The following PBX4 variants were observed in gnomAD, a reference collection of about 807,000 sequenced individuals.
The protein encoded by PBX4 is pre-B-cell leukemia transcription factor 4.
In PBX4, 26 loss-of-function variants were observed where a neutral mutation model predicts 35.1. That is an observed-to-expected ratio of 0.74 (90% CI 0.54 to 1.03). PBX4 has a LOEUF of 1.03. PBX4 is among the 50% of genes least tolerant of loss of function. The pLI, the probability that PBX4 is intolerant of heterozygous loss-of-function variation, is 0.00. For synonymous variants in PBX4, 199 were observed against 204.2 expected (o/e 0.97, Z 0.22); for missense variants, 448 against 504.3 (o/e 0.89, Z 1.07).
At chr19:19,612,434 G>T (rs1419544636) in intron 1 of PBX4, among the ~76,000 whole-genome samples, 1 of 152,136 alleles carries the variant, frequency 6.6e-6, no homozygotes, top group Non-Finnish European at 1.5e-5. Flanking sequence ...CTGACTGCTG[G>T]GGTGATAAAA....
In PBX4 at chr19:19,618,508, C is replaced by T; in HGVS notation, c.119+3G>A. On this transcript the variant is annotated splice_donor_region_variant and intron_variant, in intron 1 of 7. Transcript: ENST00000251203. ...TGGCCCCTGCCGAGCCCGCGGGCAG[C>T]ACCTGGCCTGTGCCTCGTCCAGGCT... 6.7e-7 allele frequency: 1 copy of T among 1,482,772 alleles called. No homozygotes were observed. Among genetic ancestry groups the T allele is most frequent in the Non-Finnish European group, 9.0e-7 (1 of 1,112,616 alleles). 91.9% of individuals were successfully genotyped at this position (1,482,772 alleles called of 1,614,324 possible). A position where few individuals can be genotyped will look rare whatever the true frequency, so the allele number is the denominator to read the frequency against.
intron 5 of PBX4, among the ~76,000 whole-genome samples, chr19:19,569,172 C>A (rs987229336): frequency 1.3e-5 from 2 of 152,206 alleles, no homozygotes; most frequent in African/African-American, 4.8e-5. Context: ...GATCCTTCCA[C>A]CTCAGCATCC....
intron 2 of PBX4, among the ~76,000 whole-genome samples, chr19:19,595,467 C>T (rs1335265101): frequency 6.6e-6 from 1 of 152,170 alleles, no homozygotes; most frequent in African/African-American, 2.4e-5. Flanking sequence ...TTGCTTAAAA[C>T]CAGTTCACCG....
intron 2 of PBX4, among the ~76,000 whole-genome samples, chr19:19,574,995 A>ATT (rs1440639457): frequency 6.6e-6 from 1 of 151,636 alleles, no homozygotes; most frequent in Non-Finnish European, 1.5e-5. Context: ...TGGAGACTCA[A>ATT]TTTTCTAACA....
chr19:19,587,643 A>G (rs1229387673), intron 2 of PBX4, among the ~76,000 whole-genome samples: 2 of 149,940 alleles, frequency 1.3e-5, no homozygotes, highest in Non-Finnish European at 3.0e-5. Context: ...TTGTTCTGAT[A>G]GCTTCCCACC....
chr19:19,578,515 C>G (rs2061434729), intron 2 of PBX4, among the ~76,000 whole-genome samples: 1 of 152,152 alleles, frequency 6.6e-6, no homozygotes. Flanking sequence ...GACTGGCAGG[C>G]AGGGAGGCTG....
intron 2 of PBX4, chr19:19,588,284 T>G (rs1032682141): frequency 6.8e-6 from 8 of 1,172,368 alleles, no homozygotes; most frequent in African/African-American, 1.5e-5. Context: ...TCATCACATA[T>G]GCACACCAGA....
rs370646681 is a variant in PBX4 at position 19,570,218 on chromosome 19, C to T, written c.523G>A (p.Glu175Lys). Residue 175 changes from glutamate to lysine, a missense_variant, in exon 4 of 8, where the codon GAG (glutamate) becomes AAG (lysine). Transcript: ENST00000251203. ...CCGTGAATGGCGCCGACCATGCGCT[C>T]AATCTCCTTAGGGGAGACAGGCCTC... ...RMRPVSPKEI[E>K]RMVGAIHGKF... 6.2e-7 allele frequency: 1 copy of T among 1,614,156 alleles called. No individual in the cohort carries two copies.
chr19:19,563,736 T>C lies in PBX4; in HGVS notation c.926-121A>G. 1.2e-6 allele frequency: 1 copy of C among 824,926 alleles called. No individual in the cohort carries two copies. The highest frequency in any genetic ancestry group is 2.0e-6 in the Non-Finnish European group (1 of 492,658). The allele number at this position is 824,926 out of a possible 1,614,324, so 51.1% of individuals were successfully genotyped here. A position where few individuals can be genotyped will look rare whatever the true frequency, so the allele number is the denominator to read the frequency against. The stretch of plus-strand genomic sequence containing the variant: ...TCCTGCCCCTCCTCAGCATCCGGCC[T>C]CTGCTCCTCAGCCCCCACCCAGGCA... On this transcript the variant is annotated intron_variant, in intron 6 of 7. Coordinates refer to ENST00000251203, the MANE Select transcript of PBX4 (RefSeq NM_025245.3). The surrounding 1 kb of genome is among the most constrained non-coding windows in gnomAD (Gnocchi z 5.1).
In PBX4 at chr19:19,598,913, C is replaced by CTT. The variant is rs34982058; in HGVS notation, c.193+377_193+378dup. ...AGCTCTAGTCACACACAGGAAGTGC[C>CTT]TTTTTTTTTTTTTTTTTTTTTGAGA... On this transcript the variant is annotated intron_variant, in intron 2 of 7. Transcript: ENST00000251203. Among the ~76,000 whole-genome samples the CTT allele has an allele frequency of 7.8e-3, 876 of 112,556 alleles. 25 individuals are homozygous for CTT. The highest frequency in any genetic ancestry group is 0.027 in the African/African-American group (797 of 29,984). The allele number at this position is 112,556 out of a possible 152,430, so 73.8% of individuals were successfully genotyped here.
intron 2 of PBX4, among the ~76,000 whole-genome samples, chr19:19,571,751 G>A (rs1429676627): frequency 6.6e-6 from 1 of 152,140 alleles, no homozygotes; most frequent in East Asian, 1.9e-4. Flanking sequence ...GTGGCTTCAC[G>A]GCCGGGCACA....
At chr19:19,577,081 G>A (rs1001831263) in intron 2 of PBX4, among the ~76,000 whole-genome samples, 2 of 151,840 alleles carry the variant, frequency 1.3e-5, no homozygotes, top group Non-Finnish European at 2.9e-5. Context: ...TACAAAATTA[G>A]CTGAGCATGG....
intron 2 of PBX4, among the ~76,000 whole-genome samples, chr19:19,580,620 A>G (rs1244838808): frequency 6.6e-6 from 1 of 152,248 alleles, no homozygotes; most frequent in African/African-American, 2.4e-5. Context: ...GCATTCTGGC[A>G]AGGTGCTCAC....
intron 5 of PBX4, among the ~76,000 whole-genome samples, chr19:19,566,676 T>A (rs1360866122): frequency 6.9e-6 from 1 of 145,554 alleles, no homozygotes; most frequent in Non-Finnish European, 1.5e-5. Flanking sequence ...AGGCACGTGC[T>A]ACCAAGCCTG....
intron 1 of PBX4, among the ~76,000 whole-genome samples, chr19:19,600,903 C>A (rs911190317): frequency 1.6e-4 from 25 of 152,082 alleles, no homozygotes; most frequent in Admixed American, 2.0e-4. Flanking sequence ...CACTATGGTC[C>A]TGCAGTGGTG....
chr19:19,592,410 G>C (rs1035070036), intron 2 of PBX4, among the ~76,000 whole-genome samples: 4 of 152,098 alleles, frequency 2.6e-5, no homozygotes, highest in African/African-American at 9.7e-5. Flanking sequence ...GGGTGTCCTT[G>C]GCCTTCAGAG....
chr19:19,618,216 A>G (rs1050242435), intron 1 of PBX4, among the ~76,000 whole-genome samples: 1 of 151,992 alleles, frequency 6.6e-6, no homozygotes, highest in Non-Finnish European at 1.5e-5. Flanking sequence ...CCATTTAGTC[A>G]TTCACTCGTC....
At chr19:19,577,631 T>C (rs2061428268) in intron 2 of PBX4, among the ~76,000 whole-genome samples, 2 of 150,306 alleles carry the variant, frequency 1.3e-5, no homozygotes, top group African/African-American at 4.9e-5. Context: ...CTTTGGGAGG[T>C]GGGTGGATCT....
intron 2 of PBX4, among the ~76,000 whole-genome samples, chr19:19,591,256 G>T (rs906449164): frequency 2.6e-5 from 4 of 152,146 alleles, no homozygotes; most frequent in African/African-American, 9.7e-5. Flanking sequence ...CAGGGTGACT[G>T]CTAGGACCCA....
Sources: gnomAD v4.1 joint callset for allele counts (sites outside exome capture counted in the v4.1 genomes callset) on GRCh38, gnomAD v4.1.1 for gene constraint, Gnocchi (gnomAD v3.1) non-coding constraint, MANE v1.5 for transcripts, NCBI Gene and HGNC (gene_info 2026-07-23, HGNC 2026-07-21) for gene names.